Variants in BAZ1A observed in about 807,000 individuals in gnomAD.
BAZ1A encodes the protein bromodomain adjacent to zinc finger domain protein 1A.
BAZ1A carries 50 observed loss-of-function variants against 185.2 expected under a neutral mutation model. The observed-to-expected ratio is 0.27, with a 90% CI of 0.22 to 0.34. The LOEUF (loss-of-function observed/expected upper bound fraction) is 0.34, where lower values mean the gene tolerates loss of function less well. Ranked by LOEUF, BAZ1A falls within the 10% of genes least tolerant of loss-of-function variation. The pLI, the probability that BAZ1A is intolerant of heterozygous loss-of-function variation, is 1.00. For missense variants in BAZ1A, 1,356 were observed against 1,839.9 expected (o/e 0.74, Z 4.81); for synonymous variants, 571 against 615.6 (o/e 0.93, Z 1.07).
At chr14:34,758,655 C>G in intron 25 of BAZ1A, 49 bp downstream of exon 25, 3 of 1,580,912 alleles carry the variant, frequency 1.9e-6, no homozygotes, top group Non-Finnish European at 2.6e-6. Context: ...ATCACGTGGA[C>G]TAAATCAGAT....
chr14:34,829,959 C>T (rs1791783888), intron 3 of BAZ1A, among the ~76,000 whole-genome samples: 1 of 152,146 alleles, frequency 6.6e-6, no homozygotes, highest in African/African-American at 2.4e-5. Flanking sequence ...TGACTCTCAA[C>T]TTCTAGAAAT....
Position 34,786,603 on chromosome 14 carries a change from G to GTTTTTTTTTTTTTTTTTTT in BAZ1A, c.1511-383_1511-382insAAAAAAAAAAAAAAAAAAA, listed in dbSNP as rs542523340. 10 of 106,864 alleles carry GTTTTTTTTTTTTTTTTTTT rather than the reference G, an allele frequency of 9.4e-5. 2 individuals are homozygous for GTTTTTTTTTTTTTTTTTTT. Among genetic ancestry groups the GTTTTTTTTTTTTTTTTTTT allele is most frequent in the Non-Finnish European group, 1.4e-4 (8 of 57,164 alleles). 6.6% of individuals were successfully genotyped at this position (106,864 alleles called of 1,614,324 possible). Reference sequence around the variant, plus strand: ...TTAAAGATACTCCAATCTTTTATGTGTGTTTTTTTTTTTTTTTTTTTTGAG... The same window carrying GTTTTTTTTTTTTTTTTTTT: ...TTAAAGATACTCCAATCTTTTATGTGTTTTTTTTTTTTTTTTTTTTGTTTTTTTTTTTTTTTTTTTTGAG... On this transcript the variant is annotated intron_variant, in intron 12 of 26. Transcript: ENST00000360310.
intron 7 of BAZ1A, among the ~76,000 whole-genome samples, chr14:34,802,217 G>GT (rs555896091): frequency 1.3e-5 from 2 of 151,990 alleles, no homozygotes; most frequent in African/African-American, 4.8e-5. Context: ...AATTTGTGTA[G>GT]TTTTTTGTTT....
chr14:34,767,085 A>C (rs1345134976), intron 21 of BAZ1A, among the ~76,000 whole-genome samples: 2 of 152,212 alleles, frequency 1.3e-5, no homozygotes, highest in African/African-American at 2.4e-5. Flanking sequence ...GGAAAATACA[A>C]AGCTATTACT....
chr14:34,798,359 A>G (rs961419343), intron 9 of BAZ1A, among the ~76,000 whole-genome samples: 8 of 152,364 alleles, frequency 5.3e-5, no homozygotes, highest in African/African-American at 1.9e-4. Context: ...CTGAGAACAG[A>G]GAGACTGTCT....
chr14:34,808,790 A>T (rs2041887981), intron 5 of BAZ1A, among the ~76,000 whole-genome samples: 1 of 152,078 alleles, frequency 6.6e-6, no homozygotes, highest in Admixed American at 6.6e-5. Context: ...ACAAAACAAA[A>T]CCAATAGAAA....
intron 3 of BAZ1A, among the ~76,000 whole-genome samples, chr14:34,845,026 G>C (rs1364733117): frequency 6.6e-6 from 1 of 151,996 alleles, no homozygotes; most frequent in African/African-American, 2.4e-5. Flanking sequence ...TATAATAGCA[G>C]AGTTGGATAG....
chr14:34,756,001 C>CT lies in BAZ1A; in HGVS notation c.4387-1088dup, dbSNP rs146543442. ...ACACTCGGCTATTTTTTTTCTTTTT[C>CT]TTTTTTTTTTTGTATTTTTTGTAGA... On this transcript the variant is annotated intron_variant, in intron 25 of 26. Coordinates refer to ENST00000360310, the MANE Select transcript of BAZ1A (RefSeq NM_013448.3). Among the ~76,000 whole-genome samples the CT allele has an allele frequency of 9.8e-3, 1,399 of 142,996 alleles. 11 individuals are homozygous for CT. Among genetic ancestry groups the CT allele is most frequent in the African/African-American group, 0.023 (896 of 38,698 alleles). The allele number at this position is 142,996 out of a possible 152,430, so 93.8% of individuals were successfully genotyped here. A position where few individuals can be genotyped will look rare whatever the true frequency, so the allele number is the denominator to read the frequency against.
chr14:34,762,265 T>C lies in BAZ1A; in HGVS notation c.3777-42A>G, dbSNP rs1313422381. 3 of 1,554,194 alleles carry C rather than the reference T, an allele frequency of 1.9e-6. No individual in the cohort carries two copies. In the South Asian group the frequency reaches 3.4e-5, roughly 18 times the overall value. Reference sequence around the variant, plus strand: ...AAAACACAATTATTGTACAGAGCAATGATGAACATATGATTAGCTCTATTC... The same window carrying C: ...AAAACACAATTATTGTACAGAGCAACGATGAACATATGATTAGCTCTATTC... On this transcript the variant is annotated intron_variant, in intron 23 of 26. Transcript: ENST00000360310.
rs1555346584 is a variant in BAZ1A at position 34,872,941 on chromosome 14, A to AAAAAAAAAAAAAAAAAAC, written c.113+1550_113+1551insGTTTTTTTTTTTTTTTTT. ...AAAAAAAAAAAAAAAAAAAAAAAAA[A>AAAAAAAAAAAAAAAAAAC]CTTGTCCAATTACCTAATCCAAGTT... On this transcript the variant is annotated intron_variant, in intron 2 of 26. Coordinates refer to ENST00000360310, the MANE Select transcript of BAZ1A (RefSeq NM_013448.3). 8.2e-5 allele frequency among the ~76,000 whole-genome samples: 10 copies of AAAAAAAAAAAAAAAAAAC among 122,680 alleles called. 1 individual carries two copies. Among genetic ancestry groups the AAAAAAAAAAAAAAAAAAC allele is most frequent in the Non-Finnish European group, 1.3e-4 (8 of 59,904 alleles). 80.5% of individuals were successfully genotyped at this position (122,680 alleles called of 152,430 possible).
At chr14:34,762,484 A>AT (rs112735113) in intron 23 of BAZ1A, among the ~76,000 whole-genome samples, 27,598 of 145,302 alleles carry the variant, frequency 0.19, 2,713 homozygotes, top group South Asian at 0.28. Context: ...TCTTTTCTTT[A>AT]TTTTTTTTTT....
intron 17 of BAZ1A, among the ~76,000 whole-genome samples, chr14:34,776,828 T>C (rs1245461888): frequency 2.0e-5 from 3 of 152,170 alleles, no homozygotes; most frequent in African/African-American, 7.2e-5. Context: ...GAAGGCACTG[T>C]CTGCAAGCCA....
chr14:34,763,440 C>CG (rs1317613350), intron 23 of BAZ1A, among the ~76,000 whole-genome samples: 1 of 150,428 alleles, frequency 6.6e-6, no homozygotes, highest in African/African-American at 2.4e-5. Context: ...AAAAAAAAGC[C>CG]GGGGGGAGGG....
At chr14:34,764,293 T>TC (rs1366057009) in intron 23 of BAZ1A, among the ~76,000 whole-genome samples, 11 of 144,252 alleles carry the variant, frequency 7.6e-5, no homozygotes, top group East Asian at 5.9e-4. Flanking sequence ...TCTTTTCTTT[T>TC]TTTTTTTTTT....
chr14:34,819,812 T>C (rs2138698760), intron 4 of BAZ1A, among the ~76,000 whole-genome samples: 1 of 152,334 alleles, frequency 6.6e-6, no homozygotes, highest in South Asian at 2.1e-4. Context: ...TGCTACATCA[T>C]ATAAAAGTAT....
At chr14:34,781,286 A>G (rs1030238978) in intron 16 of BAZ1A, among the ~76,000 whole-genome samples, 2 of 152,186 alleles carry the variant, frequency 1.3e-5, no homozygotes, top group African/African-American at 4.8e-5. Context: ...AACAATCACC[A>G]TTTTAAAGTG....
chr14:34,845,473 A>G (rs1307968957), intron 3 of BAZ1A: 1 of 152,192 alleles, frequency 6.6e-6, no homozygotes, highest in Non-Finnish European at 1.5e-5. Context: ...AATAAATACT[A>G]CAAGCCTCCT....
intron 4 of BAZ1A, among the ~76,000 whole-genome samples, chr14:34,824,374 T>C (rs1324723257): frequency 3.8e-5 from 1 of 26,114 alleles, no homozygotes; most frequent in Non-Finnish European, 7.1e-5. Context: ...ACTCCATCTC[T>C]TTAAAAAAAA....
chr14:34,787,123 G>A (rs1200640500), intron 12 of BAZ1A, among the ~76,000 whole-genome samples: 1 of 151,770 alleles, frequency 6.6e-6, no homozygotes, highest in East Asian at 1.9e-4. Flanking sequence ...GGGAGGCTGA[G>A]GTAGGCGGAT....
Sources: allele counts gnomAD v4.1 joint callset (sites outside exome capture counted in the v4.1 genomes callset), GRCh38; gene constraint gnomAD v4.1.1; transcripts MANE v1.5; gene names NCBI Gene and HGNC (gene_info 2026-07-23, HGNC 2026-07-21).